Variants in SLC9A9 observed in about 807,000 individuals in gnomAD.
The protein encoded by SLC9A9 is solute carrier family 9 member A9, also known as sodium/hydrogen exchanger 9.
In SLC9A9, 62 loss-of-function variants were observed where a neutral mutation model predicts 77.8. The observed-to-expected ratio is 0.80, with a 90% CI of 0.65 to 0.98. The LOEUF (loss-of-function observed/expected upper bound fraction) is 0.98, where lower values mean the gene tolerates loss of function less well. Among genes scored for constraint, SLC9A9 ranks in the 50% least tolerant of loss-of-function variants. The pLI is 0.00. For synonymous variants in SLC9A9, 320 were observed against 283.5 expected, an observed-to-expected ratio of 1.13 and a Z score of -1.29; for missense variants, 775 against 774.9, an observed-to-expected ratio of 1.00 and a Z score of 0.00.
intron 11 of SLC9A9, among the ~76,000 whole-genome samples, chr3:143,487,916 T>G (rs2035678492): frequency 6.6e-6 from 1 of 150,678 alleles, no homozygotes; most frequent in Non-Finnish European, 1.5e-5. Context: ...GAATAGAGAA[T>G]AGAAAAATAA....
chr3:143,750,466 T>G (rs934685428), intron 4 of SLC9A9, among the ~76,000 whole-genome samples: 1 of 152,204 alleles, frequency 6.6e-6, no homozygotes, highest in African/African-American at 2.4e-5. Context: ...AGGAACCTAA[T>G]TAATTAAAGC....
chr3:143,823,856 C>G (rs977685378), intron 2 of SLC9A9, among the ~76,000 whole-genome samples: 2 of 151,926 alleles, frequency 1.3e-5, no homozygotes, highest in African/African-American at 4.8e-5. Context: ...TTTTGGTGTG[C>G]AAAGGACATA....
intron 12 of SLC9A9, among the ~76,000 whole-genome samples, chr3:143,416,562 GTTTT>G (rs987060039): frequency 6.0e-5 from 9 of 149,254 alleles, no homozygotes; most frequent in Non-Finnish European, 1.2e-4. Flanking sequence ...TAGCAACAAA[GTTTT>G]TTTTTTAAGG....
chr3:143,661,386 G>A (rs1012478080), intron 5 of SLC9A9, among the ~76,000 whole-genome samples: 1 of 152,128 alleles, frequency 6.6e-6, no homozygotes, highest in Admixed American at 6.5e-5. Flanking sequence ...GGCCACGGAT[G>A]CTGTCTGTGA....
intron 12 of SLC9A9, among the ~76,000 whole-genome samples, chr3:143,443,350 G>T (rs955840058): frequency 1.3e-5 from 2 of 151,858 alleles, no homozygotes; most frequent in Non-Finnish European, 2.9e-5. Flanking sequence ...TTTTTTAAAG[G>T]TTTTCAGCAT....
At chr3:143,376,808 T>A (rs1559888965) in intron 13 of SLC9A9, among the ~76,000 whole-genome samples, 2 of 152,240 alleles carry the variant, frequency 1.3e-5, no homozygotes, top group Admixed American at 1.3e-4. Flanking sequence ...AATGTTTATT[T>A]TATTTTTCTC....
Position 143,265,890 on chromosome 3 carries a change from G to A in SLC9A9, c.*812C>T. 1.6e-6 allele frequency: 1 copy of A among 606,138 alleles called. No individual in the cohort carries two copies. The allele number at this position is 606,138 out of a possible 1,614,324, so 37.5% of individuals were successfully genotyped here. A position where few individuals can be genotyped will look rare whatever the true frequency, so the allele number is the denominator to read the frequency against. On this transcript the variant is annotated 3_prime_UTR_variant, in exon 16 of 16. Coordinates refer to ENST00000316549, the MANE Select transcript of SLC9A9 (RefSeq NM_173653.4). ...ATCCTACCCTCCAGCATATCGCGGG[G>A]AGGGGGGGACCTGCTGCACAGCCAA...
chr3:143,298,175 A>C (rs559467179), intron 14 of SLC9A9, among the ~76,000 whole-genome samples: 1 of 152,294 alleles, frequency 6.6e-6, no homozygotes, highest in East Asian at 1.9e-4. Flanking sequence ...GCTTCCCCCC[A>C]CGTTGATGTT....
At chr3:143,497,201 G>A (rs1206280025) in intron 9 of SLC9A9, among the ~76,000 whole-genome samples, 1 of 152,096 alleles carries the variant, frequency 6.6e-6, no homozygotes, top group Non-Finnish European at 1.5e-5. Context: ...AATTTGTAGT[G>A]CCTCTCTTTC....
chr3:143,344,233 A>G (rs1418587708), intron 14 of SLC9A9, among the ~76,000 whole-genome samples: 1 of 152,184 alleles, frequency 6.6e-6, no homozygotes, highest in Non-Finnish European at 1.5e-5. Flanking sequence ...ATATGGGTGC[A>G]AGAGTTTATT....
intron 6 of SLC9A9, among the ~76,000 whole-genome samples, chr3:143,614,196 A>G (rs543931673): frequency 6.8e-4 from 103 of 152,304 alleles, no homozygotes; most frequent in African/African-American, 2.5e-3. Flanking sequence ...GGGTTAAGAC[A>G]GGTATTTCTA....
At chr3:143,545,201 T>A (rs949734942) in intron 9 of SLC9A9, among the ~76,000 whole-genome samples, 1 of 152,216 alleles carries the variant, frequency 6.6e-6, no homozygotes, top group Non-Finnish European at 1.5e-5. Flanking sequence ...TTATCCTCCA[T>A]GAAATCTGCG....
chr3:143,748,905 T>G (rs1030605429), intron 4 of SLC9A9, among the ~76,000 whole-genome samples: 1 of 151,514 alleles, frequency 6.6e-6, no homozygotes, highest in Non-Finnish European at 1.5e-5. Context: ...GGGTTTCACC[T>G]TGTTAGCCAG....
chr3:143,840,935 T>G (rs756579404), intron 1 of SLC9A9, among the ~76,000 whole-genome samples: 40 of 152,244 alleles, frequency 2.6e-4, no homozygotes, highest in Non-Finnish European at 5.0e-4. Flanking sequence ...TTGTGAGGAT[T>G]AGTGATAATG....
At chr3:143,806,776 T>C (rs1410406334) in intron 2 of SLC9A9, among the ~76,000 whole-genome samples, 3 of 151,782 alleles carry the variant, frequency 2.0e-5, no homozygotes, top group Non-Finnish European at 2.9e-5. Context: ...GCACAAAACA[T>C]AGTTACATAG....
intron 11 of SLC9A9, among the ~76,000 whole-genome samples, chr3:143,471,645 G>A (rs1020460465): frequency 6.6e-6 from 1 of 152,046 alleles, no homozygotes. Flanking sequence ...GAGTCTTTGG[G>A]TTTTATCTTT....
At chr3:143,620,049 G>T (rs2038175055) in intron 6 of SLC9A9, among the ~76,000 whole-genome samples, 1 of 152,180 alleles carries the variant, frequency 6.6e-6, no homozygotes, top group South Asian at 2.1e-4. Flanking sequence ...GAAGAGAAGT[G>T]AGAGGCTGAG....
intron 6 of SLC9A9, among the ~76,000 whole-genome samples, chr3:143,621,180 C>T (rs552559897): frequency 1.3e-5 from 2 of 152,346 alleles, no homozygotes; most frequent in African/African-American, 2.4e-5. Flanking sequence ...GTAGACTCCA[C>T]CTCTGGGGGC....
chr3:143,816,911 C>CA (rs1200037850), intron 2 of SLC9A9, among the ~76,000 whole-genome samples: 2 of 150,384 alleles, frequency 1.3e-5, no homozygotes, highest in African/African-American at 4.9e-5. Flanking sequence ...AAAGAACATA[C>CA]ACTCCTCATT....
Sources: allele counts gnomAD v4.1 joint callset (sites outside exome capture counted in the v4.1 genomes callset), GRCh38; gene constraint gnomAD v4.1.1; transcripts MANE v1.5; gene names NCBI Gene and HGNC (gene_info 2026-07-23, HGNC 2026-07-21).